The following DHX57 variants were observed in gnomAD, a reference collection of about 807,000 sequenced individuals.
DHX57 encodes putative ATP-dependent RNA helicase DHX57.
DHX57 carries 105 observed loss-of-function variants against 156.2 expected under a neutral mutation model. That is an observed-to-expected ratio of 0.67 (90% CI 0.57 to 0.79). The LOEUF (loss-of-function observed/expected upper bound fraction) is 0.79, where lower values mean the gene tolerates loss of function less well. DHX57 is among the 30% of genes least tolerant of loss of function. The probability of loss-of-function intolerance (pLI) is 0.00; values close to 1 mark genes in which losing one functional copy is unlikely to be tolerated. For missense variants in DHX57, 1,847 were observed against 1,661.9 expected (o/e 1.11, Z -1.94); for synonymous variants, 704 against 595.6 (o/e 1.18, Z -2.65).
At chr2:38,826,739 C>G (rs1271338795) in intron 14 of DHX57, 50 bp from the exon 15 acceptor site, 1 of 1,579,878 alleles carries the variant, frequency 6.3e-7, no homozygotes, top group Non-Finnish European at 8.6e-7. Flanking sequence ...AGCACCGAAA[C>G]TAGATTACAG....
intron 9 of DHX57, 83 bp downstream of exon 9, chr2:38,853,971 T>G: frequency 7.3e-7 from 1 of 1,373,282 alleles, no homozygotes; most frequent in Non-Finnish European, 9.8e-7. Flanking sequence ...TGCATGAAAC[T>G]GAATTGGAAC....
chr2:38,868,835 T>G (rs1040626366), intron 1 of DHX57, among the ~76,000 whole-genome samples: 3 of 151,682 alleles, frequency 2.0e-5, no homozygotes, highest in African/African-American at 7.3e-5. Context: ...TATTTAGAGA[T>G]GGAGTCTTGC....
chr2:38,849,152 A>G (rs908619008), intron 9 of DHX57, among the ~76,000 whole-genome samples: 40 of 152,372 alleles, frequency 2.6e-4, no homozygotes, highest in African/African-American at 9.4e-4. Context: ...GAAACTACCC[A>G]AATGTCCATC....
intron 1 of DHX57, among the ~76,000 whole-genome samples, chr2:38,871,247 T>C (rs1419038195): frequency 2.0e-5 from 3 of 152,214 alleles, no homozygotes; most frequent in Non-Finnish European, 4.4e-5. Context: ...ATAATATGTA[T>C]ATGATATAAT....
rs145593757 is a variant in DHX57, at chr2:38,843,136, C to A, written c.2294G>T (p.Arg765Leu). 6 of 1,614,106 alleles carry A rather than the reference C, an allele frequency of 3.7e-6. No individual in the cohort carries two copies. The Admixed American group carries it at 8.3e-5, about 22-fold the overall frequency. Residue 765 changes from arginine (R) to leucine (L), a missense_variant, in exon 12 of 24, where the codon CGG becomes CTG. By Grantham distance (102) the Arg-to-Leu change is moderately radical (BLOSUM62 -2). Transcript: ENST00000457308. Reference protein sequence around the residue: ...QISKEKLKARRNRTAFEEVEE... With the variant: ...QISKEKLKARLNRTAFEEVEE... ...CACTTCTTCAAATGCAGTTCTGTTC[C>A]GCCTTGCTTTAAGCTTTTCCTTTGA...
intron 8 of DHX57, chr2:38,854,773 G>A: frequency 3.6e-6 from 1 of 280,844 alleles, no homozygotes; most frequent in Middle Eastern, 1.3e-3. Flanking sequence ...TGTTGGTCAG[G>A]CTGGTCTCGA....
intron 21 of DHX57, chr2:38,811,116 G>T: frequency 1.8e-6 from 1 of 551,424 alleles, no homozygotes; most frequent in Non-Finnish European, 3.4e-6. Flanking sequence ...TGGCTGATGT[G>T]CATGAGGTTC....
chr2:38,837,061 C>G (rs536796114), intron 13 of DHX57, among the ~76,000 whole-genome samples: 45 of 152,184 alleles, frequency 3.0e-4, no homozygotes, highest in Admixed American at 7.9e-4. Flanking sequence ...GTTTTCCAGG[C>G]TGATCTCAAA....
intron 12 of DHX57, among the ~76,000 whole-genome samples, chr2:38,840,044 T>A (rs1223195265): frequency 6.6e-6 from 1 of 152,032 alleles, no homozygotes; most frequent in Non-Finnish European, 1.5e-5. Flanking sequence ...CCCTTGGGGT[T>A]CAAATGATCT....
intron 14 of DHX57, among the ~76,000 whole-genome samples, chr2:38,827,505 A>AAAT (rs1553326974): frequency 4.9e-4 from 5 of 10,154 alleles, no homozygotes; most frequent in African/African-American, 7.0e-4. Context: ...AAAAAAAAAA[A>AAAT]ATATATATAT....
intron 23 of DHX57, among the ~76,000 whole-genome samples, chr2:38,798,841 G>A (rs867180552): frequency 7.2e-5 from 11 of 152,150 alleles, no homozygotes; most frequent in African/African-American, 2.4e-4. Context: ...CTACTCAGAG[G>A]CTGAGGCAGG....
rs185401248 is a variant in DHX57 at position 38,837,843 on chromosome 2, A to T, written c.2530T>A (p.Ser844Thr). Residue 844 changes from serine (S) to threonine (T), a missense_variant, in exon 13 of 24, where the codon TCC becomes ACC. By Grantham distance (58) the Ser-to-Thr change is moderately conservative. Transcript: ENST00000457308. ...AAGAAGCAGTTACCTGGAGGGTAGG[A>T]GTGCTTTCCATCCACAATCCACTCT... ...LLEWIVDGKH[S>T]YPPGAILVFL... 3 of 1,598,822 alleles carry T rather than the reference A, an allele frequency of 1.9e-6. No homozygotes were observed. The highest frequency in any genetic ancestry group is 2.2e-5 in the East Asian group (1 of 44,776).
At chr2:38,838,476 C>T (rs984014852) in intron 12 of DHX57, among the ~76,000 whole-genome samples, 2 of 152,216 alleles carry the variant, frequency 1.3e-5, no homozygotes, top group African/African-American at 2.4e-5. Flanking sequence ...AAGCAGGCTC[C>T]TGCCCCTGTT....
chr2:38,868,522 A>G (rs1044291413), intron 1 of DHX57, 111 bp from the exon 2 acceptor site: 4 of 1,107,246 alleles, frequency 3.6e-6, no homozygotes, highest in Admixed American at 4.9e-5. Flanking sequence ...AGGAAAATGC[A>G]TATGTAAAAA....
intron 20 of DHX57, among the ~76,000 whole-genome samples, chr2:38,814,728 GT>G (rs35597361): frequency 1.3e-4 from 19 of 149,516 alleles, no homozygotes; most frequent in African/African-American, 3.7e-4. Context: ...AGAAAACCCT[GT>G]TTTTTTTTTT....
rs149935374 is a variant in DHX57, at chr2:38,802,408, G to A, written c.4017+307C>T. 3.0e-3 allele frequency among the ~76,000 whole-genome samples: 462 copies of A among 151,728 alleles called. 1 individual carries two copies. Among genetic ancestry groups the A allele is most frequent in the African/African-American group, 0.01 (432 of 41,338 alleles). On this transcript the variant is annotated intron_variant, in intron 23 of 23. Coordinates refer to ENST00000457308, the MANE Select transcript of DHX57 (RefSeq NM_198963.3). Reference sequence around the variant, plus strand: ...GTTCAAGCGATTCTCATGTCTCAGCGTCCTGAGTAGCTGGGATTACAGGCA... The same window carrying A: ...GTTCAAGCGATTCTCATGTCTCAGCATCCTGAGTAGCTGGGATTACAGGCA...
At position 38,815,703 on chromosome 2, in the gene DHX57, G is replaced by C. The variant is rs753710016; in HGVS notation, c.3472-48C>G. 10 of 1,610,476 alleles carry C rather than the reference G, an allele frequency of 6.2e-6. No homozygotes were observed. In the East Asian group the frequency reaches 2.2e-4, roughly 36 times the overall value. On this transcript the variant is annotated intron_variant, in intron 19 of 23. Coordinates refer to ENST00000457308, the MANE Select transcript of DHX57 (RefSeq NM_198963.3). ...TAAGCAAGGGCATCAGCATAACAAA[G>C]TGTTAAGTCTTACAAAAATGAGTGA... is the stretch of plus-strand genomic sequence containing the variant.
intron 6 of DHX57, among the ~76,000 whole-genome samples, chr2:38,857,903 G>A (rs1030597053): frequency 1.3e-5 from 2 of 152,088 alleles, no homozygotes; most frequent in African/African-American, 4.8e-5. Flanking sequence ...GTAAATCGCA[G>A]TATTTGTTTT....
intron 1 of DHX57, among the ~76,000 whole-genome samples, chr2:38,871,119 A>G (rs1665331620): frequency 1.3e-5 from 2 of 152,184 alleles, no homozygotes; most frequent in Non-Finnish European, 2.9e-5. Flanking sequence ...TAGTAAAGGT[A>G]ATTGAGTAAT....
Sources: gnomAD v4.1 joint callset for allele counts (sites outside exome capture counted in the v4.1 genomes callset) on GRCh38, gnomAD v4.1.1 for gene constraint, MANE v1.5 for transcripts, NCBI Gene and HGNC (gene_info 2026-07-23, HGNC 2026-07-21) for gene names.